The following GINS3 variants were observed in gnomAD, a reference collection of about 807,000 sequenced individuals.
GINS3 encodes the protein GINS complex subunit 3.
GINS3 carries 18 observed loss-of-function variants against 20.0 expected under a neutral mutation model. The observed-to-expected ratio is 0.90, with a 90% CI of 0.62 to 1.33. GINS3 has a LOEUF of 1.33. GINS3 is among the 40% of genes most tolerant of loss of function. The probability of loss-of-function intolerance (pLI) is 0.00; values close to 1 mark genes in which losing one functional copy is unlikely to be tolerated. For synonymous variants in GINS3, 109 were observed against 107.0 expected, an observed-to-expected ratio of 1.02 and a Z score of -0.12; for missense variants, 254 against 273.6, an observed-to-expected ratio of 0.93 and a Z score of 0.51.
rs1966010494 is a variant in GINS3 at position 58,404,990 on chromosome 16, G to A, written c.*261G>A. ...AACCCATGGCCAAGGAGAAATCAAA[G>A]TCCTTCCTAAATAAGAATCACTGCC... On this transcript the variant is annotated 3_prime_UTR_variant, in exon 3 of 3. Transcript: ENST00000318129. 2.3e-6 allele frequency: 1 copy of A among 441,188 alleles called. No homozygotes were observed. Among genetic ancestry groups the A allele is most frequent in the Admixed American group, 3.7e-5 (1 of 26,900 alleles). The allele number at this position is 441,188 out of a possible 1,614,324, so 27.3% of individuals were successfully genotyped here.
At chr16:58,397,060 G>C (rs182831421) in intron 1 of GINS3, among the ~76,000 whole-genome samples, 2 of 149,494 alleles carry the variant, frequency 1.3e-5, no homozygotes, top group South Asian at 2.1e-4. Flanking sequence ...CTGGCCGGGC[G>C]GGGGGCTGAC....
chr16:58,396,781 T>G (rs1272351109), intron 1 of GINS3, among the ~76,000 whole-genome samples: 3 of 122,232 alleles, frequency 2.5e-5, no homozygotes, highest in East Asian at 2.9e-4. Context: ...CCCACCTCCT[T>G]CCCGGACAGG....
At chr16:58,395,222 C>T in intron 1 of GINS3, 3 of 391,426 alleles carry the variant, frequency 7.7e-6, no homozygotes, top group East Asian at 3.6e-5. Context: ...ATTGCAGGTA[C>T]ATGCCACCAT....
In GINS3 at chr16:58,399,327, A is replaced by G. The variant is rs184528061; in HGVS notation, c.187-3771A>G. ...AATTGAAAAAATGTTAAAGTCTCTC[A>G]TTATGATTATGGATTAGCCTGTTTA... On this transcript the variant is annotated intron_variant, in intron 1 of 2. Transcript: ENST00000318129. 3.9e-3 allele frequency among the ~76,000 whole-genome samples: 596 copies of G among 151,980 alleles called. 6 individuals carry two copies. The highest frequency in any genetic ancestry group is 0.024 in the Middle Eastern group (7 of 294).
intron 1 of GINS3, among the ~76,000 whole-genome samples, chr16:58,396,758 G>A (rs1395343387): frequency 7.7e-6 from 1 of 129,656 alleles, no homozygotes; most frequent in Admixed American, 7.3e-5. Flanking sequence ...TGGCCGGGCG[G>A]GGGGCTGACC....
At chr16:58,397,271 C>G (rs1350508849) in intron 1 of GINS3, among the ~76,000 whole-genome samples, 1 of 151,150 alleles carries the variant, frequency 6.6e-6, no homozygotes, top group Non-Finnish European at 1.5e-5. Flanking sequence ...GAGGCACTCC[C>G]CACATCTCAG....
rs571169105 is a variant in GINS3, at chr16:58,405,360, G to A, written c.*631G>A. 3.8e-4 allele frequency: 58 copies of A among 152,606 alleles called. No individual in the cohort carries two copies. Among genetic ancestry groups the A allele is most frequent in the African/African-American group, 1.3e-3 (56 of 41,568 alleles). The allele number at this position is 152,606 out of a possible 1,614,324, so 9.5% of individuals were successfully genotyped here. A position where few individuals can be genotyped will look rare whatever the true frequency, so the allele number is the denominator to read the frequency against. Reference sequence around the variant, plus strand: ...ATGTTGGCCTCATACTCTATACTCAGGGCTTAATGAACTGGAATCTGCATA... The same window carrying A: ...ATGTTGGCCTCATACTCTATACTCAAGGCTTAATGAACTGGAATCTGCATA... On this transcript the variant is annotated 3_prime_UTR_variant, in exon 3 of 3. Transcript: ENST00000318129.
intron 2 of GINS3, chr16:58,403,703 C>A: frequency 8.7e-6 from 2 of 230,926 alleles, no homozygotes; most frequent in Non-Finnish European, 1.7e-5. Flanking sequence ...CAAGACCAAC[C>A]TGGGCAACAT....
intron 2 of GINS3, chr16:58,403,674 A>T: frequency 3.6e-6 from 1 of 277,662 alleles, no homozygotes; most frequent in Admixed American, 5.0e-5. Context: ...AGGCAGGAGG[A>T]TCGCTGAGCC....
intron 1 of GINS3, among the ~76,000 whole-genome samples, chr16:58,401,863 G>C (rs1965959584): frequency 6.6e-6 from 1 of 152,036 alleles, no homozygotes; most frequent in Non-Finnish European, 1.5e-5. Flanking sequence ...GCCTAGTTGT[G>C]ATTTTATTAG....
At chr16:58,399,020 G>A (rs1359090437) in intron 1 of GINS3, among the ~76,000 whole-genome samples, 1 of 149,216 alleles carries the variant, frequency 6.7e-6, no homozygotes, top group Admixed American at 6.7e-5. Context: ...TTTTTATCCT[G>A]TAAAACATGT....
rs1381726043 is a variant in GINS3, at chr16:58,392,510, G to C, written c.-92G>C. 9 of 1,404,094 alleles carry C rather than the reference G, an allele frequency of 6.4e-6. No homozygotes were observed. The highest frequency in any genetic ancestry group is 8.9e-6 in the Non-Finnish European group (9 of 1,016,402). The allele number at this position is 1,404,094 out of a possible 1,614,324, so 87.0% of individuals were successfully genotyped here. Reference sequence around the variant, plus strand: ...CCACTTTCCTGACCCCAACCATCCTGCCCAGTCTCCGCTTCCCCGTCTTGT... The same window carrying C: ...CCACTTTCCTGACCCCAACCATCCTCCCCAGTCTCCGCTTCCCCGTCTTGT... On this transcript the variant is annotated 5_prime_UTR_variant, in exon 1 of 3. Coordinates refer to ENST00000318129, the MANE Select transcript of GINS3 (RefSeq NM_022770.4).
At chr16:58,395,445 G>T (rs1388240649) in intron 1 of GINS3, among the ~76,000 whole-genome samples, 3 of 151,606 alleles carry the variant, frequency 2.0e-5, no homozygotes, top group South Asian at 2.1e-4. Flanking sequence ...GTGAACAAAG[G>T]TCTCTGGTTT....
intron 1 of GINS3, among the ~76,000 whole-genome samples, chr16:58,396,756 C>CG (rs1348578495): frequency 2.8e-5 from 3 of 105,888 alleles, no homozygotes; most frequent in East Asian, 6.0e-4. Context: ...GCTGGCCGGG[C>CG]GGGGGGCTGA....
At chr16:58,399,146 T>G (rs1965921062) in intron 1 of GINS3, among the ~76,000 whole-genome samples, 1 of 151,974 alleles carries the variant, frequency 6.6e-6, no homozygotes, top group African/African-American at 2.4e-5. Context: ...AGACCCTGTC[T>G]CTAGGAAAAA....
rs201489822 is a variant in GINS3 at position 58,395,708 on chromosome 16, TG to T, written c.186+2922del. Among the ~76,000 whole-genome samples the T allele has an allele frequency of 5.1e-3, 773 of 152,294 alleles. 7 individuals carry two copies. The highest frequency in any genetic ancestry group is 0.016 in the African/African-American group (677 of 41,558). On this transcript the variant is annotated intron_variant, in intron 1 of 2. Transcript: ENST00000318129. ...GAATTTTTCTTAGTACAGAACAAAA[TG>T]AAAAGTCTCCCACGTCTACTTGTTT...
intron 1 of GINS3, among the ~76,000 whole-genome samples, chr16:58,397,382 GCTC>G (rs1965891261): frequency 6.9e-6 from 1 of 145,962 alleles, no homozygotes; most frequent in Admixed American, 6.7e-5. Context: ...AGGCAGAGAG[GCTC>G]CTCACTTCCC....
At chr16:58,402,742 G>A (rs1237865459) in intron 1 of GINS3, among the ~76,000 whole-genome samples, 2 of 152,010 alleles carry the variant, frequency 1.3e-5, no homozygotes, top group Non-Finnish European at 2.9e-5. Context: ...CTCGGCAAGT[G>A]GATATTTAGA....
chr16:58,392,946 G>C (rs1301064101), intron 1 of GINS3, 159 bp downstream of exon 1: 1 of 713,670 alleles, frequency 1.4e-6, no homozygotes, highest in Non-Finnish European at 2.2e-6. Context: ...ACTCCGCGGG[G>C]GTCCCTTCGC....
Sources: allele counts gnomAD v4.1 joint callset (sites outside exome capture counted in the v4.1 genomes callset), GRCh38; gene constraint gnomAD v4.1.1; transcripts MANE v1.5; gene names NCBI Gene and HGNC (gene_info 2026-07-23, HGNC 2026-07-21).